Variants in FASTKD1 observed in about 807,000 individuals in gnomAD.
FASTKD1 encodes the protein FAST kinase domain-containing protein 1, mitochondrial.
Under a neutral mutation model 90.9 loss-of-function variants are expected in FASTKD1, and 94 were observed. That is an observed-to-expected ratio of 1.03 (90% CI 0.88 to 1.23). The LOEUF (loss-of-function observed/expected upper bound fraction) is 1.23. FASTKD1 is among the 50% of genes most tolerant of loss of function. The probability of loss-of-function intolerance (pLI) is 0.00; values close to 1 mark genes in which losing one functional copy is unlikely to be tolerated. For synonymous variants in FASTKD1, 319 were observed against 345.8 expected, an observed-to-expected ratio of 0.92 and a Z score of 0.86; for missense variants, 945 against 993.5, an observed-to-expected ratio of 0.95 and a Z score of 0.66.
At chr2:169,562,099 A>AATTATTTATTAATTTATTGTATAT (rs1559157688) in intron 4 of FASTKD1, among the ~76,000 whole-genome samples, 1 of 38,148 alleles carries the variant, frequency 2.6e-5, no homozygotes, top group African/African-American at 1.4e-4. Context: ...TTATTGTAAA[A>AATTATTTATTAATTTATTGTATAT]TAATTATTTA....
In FASTKD1 at chr2:169,541,274, TCTC is replaced by T. The variant is rs549532148; in HGVS notation, c.1817-1098_1817-1096del. Among the ~76,000 whole-genome samples the T allele has an allele frequency of 3.9e-5, 6 of 152,330 alleles. No homozygotes were observed. In the East Asian group the frequency reaches 1.2e-3, roughly 29 times the overall value. ...AGTTTTAAAAACTCAAAGCTGTACT[TCTC>T]AATCTTTCTTTCCTTATACTCTTTA... On this transcript the variant is annotated intron_variant, in intron 9 of 14. Coordinates refer to ENST00000453153, the MANE Select transcript of FASTKD1 (RefSeq NM_024622.6).
At chr2:169,569,383 T>C in intron 2 of FASTKD1, 131 bp from the exon 3 acceptor site, 1 of 800,020 alleles carries the variant, frequency 1.2e-6, no homozygotes, top group Non-Finnish European at 2.1e-6. Context: ...TTATTTCTGG[T>C]CCACTCTTAT....
In FASTKD1 at chr2:169,571,748, G is replaced by T. The variant is rs1293209931; in HGVS notation, c.282C>A (p.Asp94Glu). The T allele has an allele frequency of 1.9e-5, 30 of 1,613,044 alleles. No homozygotes were observed. In the Admixed American group the frequency reaches 5.0e-4, roughly 27 times the overall value. Residue 94 changes from aspartate (D) to glutamate (E), a missense_variant, in exon 2 of 15, where the codon GAC (aspartate) becomes GAA (glutamate). Transcript: ENST00000453153. ...SLLKNAEYVR[D>E]HPQFLTLHNL... The stretch of plus-strand genomic sequence containing the variant: ...TATGAAGAGTAAGAAATTGAGGATG[G>T]TCTCTGACATACTCAGCATTTTTTA...
At chr2:169,539,744 A>G (rs1020092204) in intron 10 of FASTKD1, among the ~76,000 whole-genome samples, 5 of 152,218 alleles carry the variant, frequency 3.3e-5, no homozygotes, top group Non-Finnish European at 4.4e-5. Flanking sequence ...AGCCTGGGCA[A>G]CAGAGTGAGA....
At position 169,541,768 on chromosome 2, in the gene FASTKD1, G is replaced by A. The variant is rs1028339847; in HGVS notation, c.1817-1589C>T. Among the ~76,000 whole-genome samples the A allele has an allele frequency of 2.6e-5, 4 of 152,188 alleles. 1 individual carries two copies. In the East Asian group the frequency reaches 5.8e-4, roughly 22 times the overall value. ...AGTATCTGTTGCTTGGTAGATAACTGGGTAATTCTTACTCTCCAGGCAGAG... is the reference window on the plus strand; with the variant it reads ...AGTATCTGTTGCTTGGTAGATAACTAGGTAATTCTTACTCTCCAGGCAGAG... On this transcript the variant is annotated intron_variant, in intron 9 of 14. Transcript: ENST00000453153.
chr2:169,552,933 G>C (rs1222481952), intron 7 of FASTKD1, among the ~76,000 whole-genome samples: 6 of 152,140 alleles, frequency 3.9e-5, no homozygotes, highest in African/African-American at 1.4e-4. Context: ...TAGGCCAGGT[G>C]CAGTGGCTCA....
rs1684353459 is a variant in FASTKD1, at chr2:169,528,508, G to T, written c.*1317C>A. 6.6e-6 allele frequency among the ~76,000 whole-genome samples: 1 copy of T among 152,066 alleles called. No homozygotes were observed. The highest frequency in any genetic ancestry group is 2.4e-5 in the African/African-American group (1 of 41,412). The stretch of plus-strand genomic sequence containing the variant: ...GGTTGGGGATTATATCACACAGTAG[G>T]CCCTTAGTAACCATTTTATTGAATA... On this transcript the variant is annotated 3_prime_UTR_variant, in exon 15 of 15. Transcript: ENST00000453153.
Position 169,561,781 on chromosome 2 carries a change from A to ATTAATTTATTGTAAATTAT in FASTKD1, c.573-1015_573-997dup, listed in dbSNP as rs1439105802. On this transcript the variant is annotated intron_variant, in intron 4 of 14. Coordinates refer to ENST00000453153, the MANE Select transcript of FASTKD1 (RefSeq NM_024622.6). ...TTTATTAATTTATTGTAAATTATTT[A>ATTAATTTATTGTAAATTAT]TTAATTTATTGTAAATTATTTATTA... 3.9e-3 allele frequency among the ~76,000 whole-genome samples: 550 copies of ATTAATTTATTGTAAATTAT among 140,166 alleles called. 12 individuals carry two copies. The highest frequency in any genetic ancestry group is 6.2e-3 in the Non-Finnish European group (412 of 66,444). 92.0% of individuals were successfully genotyped at this position (140,166 alleles called of 152,430 possible).
rs538100443 is a variant in FASTKD1 at position 169,547,585 on chromosome 2, A to G, written c.1215-881T>C. ...ATATATAACATCACAGGTGGGCATA[A>G]TACAAGTTAATTTAAGAAGAGTTAG... On this transcript the variant is annotated intron_variant, in intron 7 of 14. Coordinates refer to ENST00000453153, the MANE Select transcript of FASTKD1 (RefSeq NM_024622.6). Among the ~76,000 whole-genome samples the G allele has an allele frequency of 1.2e-4, 19 of 152,316 alleles. No individual in the cohort carries two copies. In the South Asian group the frequency reaches 3.3e-3, roughly 27 times the overall value.
chr2:169,546,146 T>G, intron 8 of FASTKD1, 72 bp downstream of exon 8: 1 of 1,423,154 alleles, frequency 7.0e-7, no homozygotes, highest in South Asian at 1.5e-5. Context: ...GTTCTCAAAG[T>G]GCCTATGATA....
At chr2:169,555,315 G>A in intron 6 of FASTKD1, 60 bp from the exon 7 acceptor site, 17 of 1,420,332 alleles carry the variant, frequency 1.2e-5, no homozygotes, top group Non-Finnish European at 1.6e-5. Context: ...ATTTACTATG[G>A]TGCTTTCACA....
rs550667802 is a variant in FASTKD1 at position 169,560,594 on chromosome 2, A to G, written c.764T>C (p.Val255Ala). The change falls in exon 5 of 15, where the codon GTA becomes GCA. Residue 255 changes from valine to alanine, a missense_variant. By Grantham distance (64) the Val-to-Ala change is moderately conservative. Coordinates refer to ENST00000453153, the MANE Select transcript of FASTKD1 (RefSeq NM_024622.6). ...AAGGTGGTCCACATTACTTAAAAAT[A>G]CGTTATTACATCTTTCTAATAGTGG... ...YQPLLERCNN[V>A]FLSNVDHLDL... is the part of the protein sequence containing the mutation. The G allele has an allele frequency of 1.9e-5, 31 of 1,608,144 alleles. No individual in the cohort carries two copies. The South Asian group carries it at 2.9e-4, about 15-fold the overall frequency.
At chr2:169,554,528 G>T (rs1196840842) in intron 7 of FASTKD1, among the ~76,000 whole-genome samples, 1 of 113,254 alleles carries the variant, frequency 8.8e-6, no homozygotes, top group African/African-American at 3.0e-5. Flanking sequence ...ACAGGGTGTG[G>T]TGGTATGTGC....
At position 169,571,829 on chromosome 2, in the gene FASTKD1, T is replaced by C. The variant is rs367683987; in HGVS notation, c.201A>G (p.Gln67=). ...ERNKAILSEK[Q]VGCAFDMLWK... The stretch of plus-strand genomic sequence containing the variant: ...AAAGCATATCAAATGCACATCCCAC[T>C]TGCTTTTCTGAAAGTATGGCTTTGT... Residue 67 remains glutamine (Q), a synonymous_variant, in exon 2 of 15, where the codon CAA becomes CAG. Coordinates refer to ENST00000453153, the MANE Select transcript of FASTKD1 (RefSeq NM_024622.6). 64 of 1,613,974 alleles carry C rather than the reference T, an allele frequency of 4.0e-5. No individual in the cohort carries two copies. Among genetic ancestry groups the C allele is most frequent in the Non-Finnish European group, 5.2e-5 (61 of 1,180,000 alleles).
intron 3 of FASTKD1, among the ~76,000 whole-genome samples, chr2:169,565,248 GC>G (rs1559159908): frequency 8.9e-4 from 60 of 67,776 alleles, no homozygotes; most frequent in African/African-American, 2.8e-3. Flanking sequence ...ACCACACCAG[GC>G]TTTTTTTTTT....
chr2:169,552,730 C>T (rs989648748), intron 7 of FASTKD1, among the ~76,000 whole-genome samples: 7 of 151,878 alleles, frequency 4.6e-5, no homozygotes, highest in South Asian at 4.1e-4. Context: ...ATATAATGGA[C>T]GTTAGAGACT....
intron 10 of FASTKD1, among the ~76,000 whole-genome samples, chr2:169,539,749 G>GTGAGACCC (rs1422716186): frequency 6.6e-6 from 1 of 152,114 alleles, no homozygotes; most frequent in Non-Finnish European, 1.5e-5. Context: ...GGGCAACAGA[G>GTGAGACCC]TGAGACCCTG....
intron 3 of FASTKD1, among the ~76,000 whole-genome samples, chr2:169,566,419 T>C (rs1683988201): frequency 1.3e-5 from 2 of 152,154 alleles, no homozygotes; most frequent in Admixed American, 6.6e-5. Flanking sequence ...CTTTTGTAAA[T>C]GTTAAAAATA....
chr2:169,537,046 C>A, intron 12 of FASTKD1, 181 bp downstream of exon 12: 1 of 314,660 alleles, frequency 3.2e-6, no homozygotes, highest in Non-Finnish European at 6.0e-6. Flanking sequence ...GTTATCAACA[C>A]TGGGCCACGG....
Sources: gnomAD v4.1 joint callset for allele counts (sites outside exome capture counted in the v4.1 genomes callset) on GRCh38, gnomAD v4.1.1 for gene constraint, MANE v1.5 for transcripts, NCBI Gene and HGNC (gene_info 2026-07-23, HGNC 2026-07-21) for gene names.